The following TBC1D13 variants were observed in gnomAD, a reference collection of about 807,000 sequenced individuals.
TBC1D13 encodes the protein TBC1 domain family member 13, also known as epididymis secretory sperm binding protein.
TBC1D13 carries 40 observed loss-of-function variants against 53.6 expected under a neutral mutation model. The observed-to-expected ratio is 0.75, with a 90% CI of 0.58 to 0.97. The LOEUF (loss-of-function observed/expected upper bound fraction) is 0.97. Ranked by LOEUF, TBC1D13 falls within the 50% of genes least tolerant of loss-of-function variation. The probability of loss-of-function intolerance (pLI) is 0.00; values close to 1 mark genes in which losing one functional copy is unlikely to be tolerated. For synonymous variants in TBC1D13, 182 were observed against 197.7 expected, an observed-to-expected ratio of 0.92 and a Z score of 0.67; for missense variants, 377 against 499.4, an observed-to-expected ratio of 0.75 and a Z score of 2.34.
At chr9:128,804,243 C>T (rs1488510804) in intron 9 of TBC1D13, 124 bp downstream of exon 9, 13 of 1,163,992 alleles carry the variant, frequency 1.1e-5, no homozygotes, top group South Asian at 7.6e-5. Flanking sequence ...TGCTGCTGCC[C>T]GGGACGCTGA....
chr9:128,797,535 GTT>G, intron 7 of TBC1D13, among the ~76,000 whole-genome samples: 1 of 152,200 alleles, frequency 6.6e-6, no homozygotes, highest in Non-Finnish European at 1.5e-5. Context: ...GGGCACAGTG[GTT>G]CACGCCTGTA....
intron 2 of TBC1D13, 24 bp from the exon 3 acceptor site, chr9:128,790,711 G>C: frequency 1.3e-6 from 2 of 1,539,598 alleles, no homozygotes; most frequent in Non-Finnish European, 1.7e-6. Context: ...CCTGGGGCAT[G>C]ACCTTTGCCT....
chr9:128,800,337 G>A (rs1027301478), intron 7 of TBC1D13, among the ~76,000 whole-genome samples: 2 of 150,464 alleles, frequency 1.3e-5, no homozygotes, highest in Non-Finnish European at 3.0e-5. Flanking sequence ...GTCTTCAGTA[G>A]GGATCATCAT....
In TBC1D13 at chr9:128,800,367, C is replaced by CTTTTT. The variant is rs780656078; in HGVS notation, c.544-2864_544-2860dup. ...CATCATCTCTTTATTTATCTTCCAA[C>CTTTTT]TTTTTTTTTTTTTTTTTTTTTTTGA... On this transcript the variant is annotated intron_variant, in intron 7 of 11. Coordinates refer to ENST00000372648, the MANE Select transcript of TBC1D13 (RefSeq NM_018201.5). Among the ~76,000 whole-genome samples, 490 of 106,688 alleles carry CTTTTT rather than the reference C, an allele frequency of 4.6e-3. 3 individuals carry two copies. Among genetic ancestry groups the CTTTTT allele is most frequent in the African/African-American group, 0.01 (241 of 23,912 alleles). The allele number at this position is 106,688 out of a possible 152,430, so 70.0% of individuals were successfully genotyped here.
Position 128,806,093 on chromosome 9 carries a change from C to T in TBC1D13, c.1079+74C>T. On this transcript the variant is annotated intron_variant, in intron 10 of 11. Coordinates refer to ENST00000372648, the MANE Select transcript of TBC1D13 (RefSeq NM_018201.5). ...GAAGCCAGACAGGAGGACCCTCCGC[C>T]CCGAAGGGTGGGCAGGGCTGCTCTT... 1.1e-5 allele frequency: 18 copies of T among 1,583,752 alleles called. No individual in the cohort carries two copies. The South Asian group carries it at 1.8e-4, about 16-fold the overall frequency.
rs189903232 is a variant in TBC1D13 at position 128,787,282 on chromosome 9, C to G, written c.-72C>G. The G allele has an allele frequency of 3.2e-6, 4 of 1,246,074 alleles. No individual in the cohort carries two copies. In the East Asian group the frequency reaches 1.3e-4, roughly 39 times the overall value. The allele number at this position is 1,246,074 out of a possible 1,614,324, so 77.2% of individuals were successfully genotyped here. A position where few individuals can be genotyped will look rare whatever the true frequency, so the allele number is the denominator to read the frequency against. ...AGAGCCCCGCGTCCCTGGGGGGCGGCGGCGGCGGCGGCAGCGCAGGCGGCA... is the reference window on the plus strand; with the variant it reads ...AGAGCCCCGCGTCCCTGGGGGGCGGGGGCGGCGGCGGCAGCGCAGGCGGCA... On this transcript the variant is annotated 5_prime_UTR_variant, in exon 1 of 12. Transcript: ENST00000372648.
intron 1 of TBC1D13, among the ~76,000 whole-genome samples, chr9:128,787,949 G>A (rs1384850137): frequency 6.6e-6 from 1 of 152,114 alleles, no homozygotes; most frequent in Non-Finnish European, 1.5e-5. Context: ...CCTGGTTCCT[G>A]AGGTCCAAGG....
Position 128,803,262 on chromosome 9 carries a change from C to A in TBC1D13, c.556C>A (p.His186Asn), listed in dbSNP as rs759263956. 1 of 1,614,172 alleles carries A rather than the reference C, an allele frequency of 6.2e-7. No individual in the cohort carries two copies. Among genetic ancestry groups the A allele is most frequent in the Non-Finnish European group, 8.5e-7 (1 of 1,180,026 alleles). ...TCTTCTCCTCCAGATGAGCTCCCCA[C>A]ACAAGAACTCTGTGCCATCATCCCT... ...RSGVTNMSSP[H>N]KNSVPSSLNE... Residue 186 changes from histidine (H) to asparagine (N), a missense_variant, in exon 8 of 12, where the codon CAC becomes AAC. By Grantham distance (68) the His-to-Asn change is moderately conservative. Transcript: ENST00000372648.
chr9:128,798,145 C>T (rs1338540584), intron 7 of TBC1D13, among the ~76,000 whole-genome samples: 5 of 152,028 alleles, frequency 3.3e-5, no homozygotes, highest in African/African-American at 9.7e-5. Context: ...CCCAGCTACC[C>T]GGGAGGCTTA....
chr9:128,793,956 G>T (rs1829580546), intron 6 of TBC1D13, among the ~76,000 whole-genome samples: 2 of 152,212 alleles, frequency 1.3e-5, no homozygotes, highest in Admixed American at 1.3e-4. Flanking sequence ...TGTAAGTCAG[G>T]AGACATATAC....
intron 7 of TBC1D13, among the ~76,000 whole-genome samples, chr9:128,801,000 A>G (rs1829722922): frequency 1.3e-5 from 2 of 152,058 alleles, no homozygotes; most frequent in Admixed American, 1.3e-4. Context: ...CCTCTCTACT[A>G]AAAATACAAA....
intron 7 of TBC1D13, among the ~76,000 whole-genome samples, chr9:128,801,745 A>G (rs1303045425): frequency 6.9e-6 from 1 of 145,516 alleles, no homozygotes; most frequent in Non-Finnish European, 1.5e-5. Context: ...CATATTTAAG[A>G]TTTTTTTGTT....
At chr9:128,807,734 C>A in intron 11 of TBC1D13, 80 bp from the exon 12 acceptor site, 1 of 1,458,360 alleles carries the variant, frequency 6.9e-7, no homozygotes, top group Non-Finnish European at 9.6e-7. Context: ...AGCATGGCAA[C>A]GGGTCCCAGC....
intron 2 of TBC1D13, among the ~76,000 whole-genome samples, chr9:128,788,675 A>G (rs1829474378): frequency 6.6e-6 from 1 of 151,922 alleles, no homozygotes; most frequent in South Asian, 2.1e-4. Flanking sequence ...AGGAGGTGCC[A>G]GATTCCTGAG....
intron 11 of TBC1D13, among the ~76,000 whole-genome samples, chr9:128,807,003 G>A (rs1829847099): frequency 6.6e-6 from 1 of 151,958 alleles, no homozygotes; most frequent in African/African-American, 2.4e-5. Context: ...TTGCTCTGCT[G>A]TGCTCATCAT....
chr9:128,806,545 T>C (rs1022454742), intron 11 of TBC1D13, among the ~76,000 whole-genome samples: 1 of 152,216 alleles, frequency 6.6e-6, no homozygotes, highest in East Asian at 1.9e-4. Context: ...CCGTGTACTC[T>C]ACGTAGGTGT....
rs1391300754 is a variant in TBC1D13, at chr9:128,804,010, G to C, written c.809G>C (p.Arg270Pro). Residue 270 changes from arginine to proline, a missense_variant, in exon 9 of 12, where the codon CGG becomes CCG. By Grantham distance (103) the Arg-to-Pro change is moderately radical. Coordinates refer to ENST00000372648, the MANE Select transcript of TBC1D13 (RefSeq NM_018201.5). Reference sequence around the variant, plus strand: ...TTCACCAACCTCATGGCCGAGATCCGGGACAACTTTATCAAGAGCCTGGAT... The same window carrying C: ...TTCACCAACCTCATGGCCGAGATCCCGGACAACTTTATCAAGAGCCTGGAT... ...FCFTNLMAEIRDNFIKSLDDS... is the reference protein window; with the variant it reads ...FCFTNLMAEIPDNFIKSLDDS... 1.2e-6 allele frequency: 2 copies of C among 1,613,974 alleles called. No homozygotes were observed. Among genetic ancestry groups the C allele is most frequent in the Non-Finnish European group, 1.7e-6 (2 of 1,180,030 alleles).
chr9:128,805,528 C>T (rs536831083), intron 9 of TBC1D13, among the ~76,000 whole-genome samples: 1 of 152,310 alleles, frequency 6.6e-6, no homozygotes, highest in South Asian at 2.1e-4. Context: ...GATGGTCACT[C>T]AGCACATCCA....
intron 4 of TBC1D13, 23 bp from the exon 5 acceptor site, chr9:128,791,571 T>C (rs1829533324): frequency 6.2e-7 from 1 of 1,613,510 alleles, no homozygotes; most frequent in Non-Finnish European, 8.5e-7. Flanking sequence ...TTGGGAATCA[T>C]CCTTCTCACT....
Sources: allele counts gnomAD v4.1 joint callset (sites outside exome capture counted in the v4.1 genomes callset), GRCh38; gene constraint gnomAD v4.1.1; transcripts MANE v1.5; gene names NCBI Gene and HGNC (gene_info 2026-07-23, HGNC 2026-07-21).